RIN3: variants seen among roughly 807,000 people sequenced by gnomAD.
The protein encoded by RIN3 is RAB5 interacting protein 3.
In RIN3, 54 loss-of-function variants were observed where a neutral mutation model predicts 76.3. That is an observed-to-expected ratio of 0.71 (90% CI 0.57 to 0.89). The LOEUF is 0.89. Among genes scored for constraint, RIN3 ranks in the 40% least tolerant of loss-of-function variants. RIN3 has a pLI of 0.00. For missense variants in RIN3, 1,256 were observed against 1,322.1 expected (o/e 0.95, Z 0.78); for synonymous variants, 576 against 564.0 (o/e 1.02, Z -0.30).
chr14:92,624,455 T>G (rs966676088), intron 4 of RIN3, among the ~76,000 whole-genome samples: 4 of 152,162 alleles, frequency 2.6e-5, no homozygotes, highest in Admixed American at 6.5e-5. Context: ...GGCAATTCCT[T>G]TAGTAAAATG....
At chr14:92,651,512 AC>A in intron 5 of RIN3, 69 bp from the exon 6 acceptor site, 1 of 741,964 alleles carries the variant, frequency 1.3e-6, no homozygotes. Context: ...CCGCCCACAG[AC>A]CCCGCCCAGC....
intron 3 of RIN3, among the ~76,000 whole-genome samples, chr14:92,613,089 G>A (rs1429612307): frequency 6.6e-6 from 1 of 152,232 alleles, no homozygotes; most frequent in Non-Finnish European, 1.5e-5. Context: ...CTGGTATGTA[G>A]GCTGGGCTTT....
Position 92,645,694 on chromosome 14 carries a change from G to A in RIN3, c.532+4365G>A, listed in dbSNP as rs180911213. Among the ~76,000 whole-genome samples, 118 of 152,342 alleles carry A rather than the reference G, an allele frequency of 7.7e-4. 1 individual carries two copies. In the East Asian group the frequency reaches 0.017, roughly 22 times the overall value. On this transcript the variant is annotated intron_variant, in intron 5 of 9. Transcript: ENST00000216487. ...CTAAAGGCCGGGCGCAGTGGCTCAC[G>A]CCTGTAATCCCAGAACTGTGGGAGG...
At chr14:92,659,627 T>G in intron 7 of RIN3, 158 bp downstream of exon 7, 1 of 637,382 alleles carries the variant, frequency 1.6e-6, no homozygotes, top group Admixed American at 3.4e-5. Context: ...GTGTAATTCC[T>G]GGGCCCTCTT....
chr14:92,567,633 T>G (rs1166860238), intron 2 of RIN3, among the ~76,000 whole-genome samples: 2 of 151,662 alleles, frequency 1.3e-5, no homozygotes, highest in African/African-American at 4.9e-5. Flanking sequence ...CATTTTTTTT[T>G]TTTTTTTTTG....
At chr14:92,543,838 C>G (rs115216558) in intron 1 of RIN3, among the ~76,000 whole-genome samples, 1 of 151,860 alleles carries the variant, frequency 6.6e-6, no homozygotes, top group African/African-American at 2.4e-5. Context: ...TTGTCCTAGA[C>G]GGGTGTTTTA....
At chr14:92,674,931 C>A (rs898273144) in intron 7 of RIN3, among the ~76,000 whole-genome samples, 1 of 152,022 alleles carries the variant, frequency 6.6e-6, no homozygotes, top group East Asian at 1.9e-4. Context: ...CCTCCTCCCT[C>A]CCCTGGAAGT....
chr14:92,631,802 C>T (rs1886594883), intron 4 of RIN3, among the ~76,000 whole-genome samples: 1 of 151,268 alleles, frequency 6.6e-6, no homozygotes, highest in African/African-American at 2.5e-5. Context: ...CAGGGTTTCA[C>T]CATGTTGGTC....
At chr14:92,658,185 T>G (rs531750971) in intron 6 of RIN3, among the ~76,000 whole-genome samples, 4 of 152,294 alleles carry the variant, frequency 2.6e-5, no homozygotes, top group Non-Finnish European at 4.4e-5. Flanking sequence ...AGAGCACATA[T>G]GCCTCAGAGC....
intron 7 of RIN3, among the ~76,000 whole-genome samples, chr14:92,676,179 C>G (rs373083374): frequency 5.3e-5 from 8 of 151,830 alleles, no homozygotes; most frequent in African/African-American, 1.5e-4. Flanking sequence ...AAGCAAGCAG[C>G]AGGGGGCGGT....
intron 8 of RIN3, 49 bp downstream of exon 8, chr14:92,676,655 A>C: frequency 6.3e-7 from 1 of 1,594,532 alleles, no homozygotes; most frequent in South Asian, 1.1e-5. Flanking sequence ...CCCCCAACTC[A>C]GCCACGCCAC....
intron 5 of RIN3, among the ~76,000 whole-genome samples, chr14:92,650,521 C>A (rs1361432772): frequency 6.6e-6 from 1 of 152,198 alleles, no homozygotes; most frequent in African/African-American, 2.4e-5. Flanking sequence ...AGTGAAGAGC[C>A]CTGGGTGAAA....
At chr14:92,541,360 G>A (rs1325647434) in intron 1 of RIN3, among the ~76,000 whole-genome samples, 1 of 152,156 alleles carries the variant, frequency 6.6e-6, no homozygotes, top group Admixed American at 6.5e-5. Context: ...GAGAGGTGAT[G>A]GTCACACTTC....
chr14:92,683,718 G>A (rs1388571266), intron 8 of RIN3, among the ~76,000 whole-genome samples: 4 of 152,112 alleles, frequency 2.6e-5, no homozygotes, highest in Admixed American at 2.6e-4. Context: ...GCTCCAGTGA[G>A]CTATGTGTGA....
At chr14:92,519,521 C>T (rs529240612) in intron 1 of RIN3, among the ~76,000 whole-genome samples, 5 of 152,216 alleles carry the variant, frequency 3.3e-5, no homozygotes, top group African/African-American at 7.2e-5. Flanking sequence ...CTGAGGAGAT[C>T]GCAGACAGCC....
chr14:92,574,969 G>A (rs1772656966), intron 2 of RIN3, among the ~76,000 whole-genome samples: 1 of 152,038 alleles, frequency 6.6e-6, no homozygotes, highest in Admixed American at 6.6e-5. Flanking sequence ...AGCATTACTT[G>A]CCTCTCTCTG....
chr14:92,677,329 C>T (rs748907881), intron 8 of RIN3, among the ~76,000 whole-genome samples: 4 of 152,110 alleles, frequency 2.6e-5, no homozygotes, highest in Non-Finnish European at 5.9e-5. Context: ...GCAGCCAGTC[C>T]AGATATCAGC....
chr14:92,662,129 T>C (rs1371215099), intron 7 of RIN3, among the ~76,000 whole-genome samples: 1 of 152,212 alleles, frequency 6.6e-6, no homozygotes, highest in African/African-American at 2.4e-5. Context: ...CCAGGCGACA[T>C]GAGGCGGAGG....
chr14:92,642,764 GAC>G (rs1165655274), intron 5 of RIN3, among the ~76,000 whole-genome samples: 2 of 152,078 alleles, frequency 1.3e-5, no homozygotes, highest in African/African-American at 4.8e-5. Context: ...CAATGCAAGA[GAC>G]ACCACCAGGC....
Sources: allele counts gnomAD v4.1 joint callset (sites outside exome capture counted in the v4.1 genomes callset), GRCh38; gene constraint gnomAD v4.1.1; transcripts MANE v1.5; gene names NCBI Gene and HGNC (gene_info 2026-07-23, HGNC 2026-07-21).